The following MAGI1 variants were observed in gnomAD, a reference collection of about 807,000 sequenced individuals.
MAGI1 encodes the protein membrane associated guanylate kinase, WW and PDZ domain containing 1, also known as membrane-associated guanylate kinase, WW and PDZ domain-containing protein 1.
A neutral mutation model predicts 139.9 loss-of-function variants in MAGI1; 58 were observed. The observed-to-expected ratio is 0.41, with a 90% CI of 0.34 to 0.52. The LOEUF is 0.52. Among genes scored for constraint, MAGI1 ranks in the 20% least tolerant of loss-of-function variants. The pLI is 0.12. For missense variants in MAGI1, 1,874 were observed against 1,901.6 expected, an observed-to-expected ratio of 0.99 and a Z score of 0.27; for synonymous variants, 812 against 737.9, an observed-to-expected ratio of 1.10 and a Z score of -1.63.
At chr3:65,434,314 T>G (rs1947679035) in intron 10 of MAGI1, among the ~76,000 whole-genome samples, 2 of 152,150 alleles carry the variant, frequency 1.3e-5, no homozygotes, top group African/African-American at 4.8e-5. Flanking sequence ...GGAAGGTACC[T>G]GGCACATAAT....
At chr3:66,011,483 G>C (rs527995510) in intron 1 of MAGI1, among the ~76,000 whole-genome samples, 1 of 152,188 alleles carries the variant, frequency 6.6e-6, no homozygotes, top group South Asian at 2.1e-4. Flanking sequence ...ACACTATGCT[G>C]TACTATGCCA....
At chr3:66,029,049 G>A (rs1033927498) in intron 1 of MAGI1, among the ~76,000 whole-genome samples, 9 of 152,106 alleles carry the variant, frequency 5.9e-5, no homozygotes, top group African/African-American at 1.9e-4. Context: ...TAGAGAGTAG[G>A]TATCATTATT....
intron 1 of MAGI1, among the ~76,000 whole-genome samples, chr3:65,692,122 T>A (rs79068586): frequency 0.057 from 8,583 of 151,776 alleles, 788 homozygotes; most frequent in African/African-American, 0.2. Flanking sequence ...AAAAAAAAAA[T>A]GTGATCTGGA....
intron 2 of MAGI1, among the ~76,000 whole-genome samples, chr3:65,559,032 T>C (rs2108006527): frequency 6.6e-6 from 1 of 152,244 alleles, no homozygotes; most frequent in South Asian, 2.1e-4. Flanking sequence ...ACGTCACAGC[T>C]CAAGTCCTTT....
intron 1 of MAGI1, among the ~76,000 whole-genome samples, chr3:65,897,307 G>T (rs72893559): frequency 0.038 from 5,722 of 152,138 alleles, 334 homozygotes; most frequent in African/African-American, 0.12. Context: ...GCCAAGGCAG[G>T]AGGATAGCTT....
intron 1 of MAGI1, among the ~76,000 whole-genome samples, chr3:65,696,544 A>G (rs2089210150): frequency 6.6e-6 from 1 of 152,334 alleles, no homozygotes; most frequent in Non-Finnish European, 1.5e-5. Flanking sequence ...AATTAAAATA[A>G]TTAAAATGAT....
At chr3:65,751,197 C>T (rs548491818) in intron 1 of MAGI1, among the ~76,000 whole-genome samples, 10 of 152,330 alleles carry the variant, frequency 6.6e-5, no homozygotes, top group East Asian at 1.9e-4. Flanking sequence ...AGAAAGGTAT[C>T]GATCCCATTT....
At chr3:65,813,381 T>C (rs1453009779) in intron 1 of MAGI1, among the ~76,000 whole-genome samples, 1 of 151,950 alleles carries the variant, frequency 6.6e-6, no homozygotes, top group Non-Finnish European at 1.5e-5. Context: ...GGAAGGCAAT[T>C]TGGGGGAAAA....
intron 1 of MAGI1, among the ~76,000 whole-genome samples, chr3:66,032,455 T>G (rs1473473288): frequency 6.7e-6 from 1 of 148,182 alleles, no homozygotes; most frequent in Non-Finnish European, 1.5e-5. Flanking sequence ...CTCCTGACCT[T>G]GTGATCCACC....
intron 2 of MAGI1, among the ~76,000 whole-genome samples, chr3:65,618,318 T>C (rs1276093574): frequency 6.6e-6 from 1 of 152,078 alleles, no homozygotes; most frequent in Admixed American, 6.6e-5. Context: ...GCAAAGGTTT[T>C]CCATAGGTAC....
chr3:65,400,033 G>A (rs917921874), intron 13 of MAGI1, among the ~76,000 whole-genome samples: 15 of 152,102 alleles, frequency 9.9e-5, no homozygotes, highest in East Asian at 3.9e-4. Context: ...AGGAGGGTTC[G>A]TGCTAACTCA....
At chr3:65,925,710 C>T (rs2062467233) in intron 1 of MAGI1, among the ~76,000 whole-genome samples, 1 of 152,238 alleles carries the variant, frequency 6.6e-6, no homozygotes. Context: ...GACAGGATCT[C>T]CCTCTGTTGC....
intron 18 of MAGI1, among the ~76,000 whole-genome samples, chr3:65,374,899 T>G (rs1224167707): frequency 6.6e-6 from 1 of 152,144 alleles, no homozygotes; most frequent in Admixed American, 6.5e-5. Context: ...AATATAGAGA[T>G]TTCATTCTTT....
intron 12 of MAGI1, among the ~76,000 whole-genome samples, chr3:65,416,160 T>C (rs988220970): frequency 4.6e-5 from 7 of 152,206 alleles, no homozygotes; most frequent in African/African-American, 1.7e-4. Flanking sequence ...GAAAGCTTTT[T>C]AAAACATAGC....
At position 65,774,000 on chromosome 3, in the gene MAGI1, GTT is replaced by G. The variant is rs2107959974; in HGVS notation, c.314-151914_314-151913del. On this transcript the variant is annotated intron_variant, in intron 1 of 22. Coordinates refer to ENST00000402939, the MANE Select transcript of MAGI1 (RefSeq NM_001033057.2). ...GAAAAAAATTCCAAAGGATAAACAG[GTT>G]TATTACAGAAATTACACACTACAGA... is the stretch of plus-strand genomic sequence containing the variant. Among the ~76,000 whole-genome samples, 2 of 151,756 alleles carry G rather than the reference GTT, an allele frequency of 1.3e-5. 1 individual carries two copies. The highest frequency in any genetic ancestry group is 4.2e-4 in the South Asian group (2 of 4,814).
In MAGI1 at chr3:65,429,921, T is replaced by C. The variant is rs988642983; in HGVS notation, c.1766A>G (p.Tyr589Cys). 4.3e-6 allele frequency: 7 copies of C among 1,613,920 alleles called. No homozygotes were observed. Among genetic ancestry groups the C allele is most frequent in the Middle Eastern group, 1.6e-4 (1 of 6,084 alleles). The change falls in exon 12 of 23, where the codon TAT becomes TGT. Residue 589 changes from tyrosine (Y) to cysteine (C), a missense_variant. Physicochemically the swap from Tyr to Cys is radical, Grantham distance 194 (BLOSUM62 -2). Around this residue, in one of 5 missense-constraint regions of MAGI1, gnomAD observed 482 missense variants for 509.6 expected, o/e 0.95. Coordinates refer to ENST00000402939, the MANE Select transcript of MAGI1 (RefSeq NM_001033057.2). ...EPIIVNGQETYDSPASHSSKT... is the reference protein window; with the variant it reads ...EPIIVNGQETCDSPASHSSKT... ...ACTACTGTGGCTAGCTGGTGAATCA[T>C]AGGTCTCTTGCCCATTCACAATAAT...
chr3:65,637,559 AGAAAG>A (rs2084704838), intron 1 of MAGI1, among the ~76,000 whole-genome samples: 2 of 31,016 alleles, frequency 6.4e-5, no homozygotes, highest in Admixed American at 3.6e-4. Context: ...CTCCAAAAAA[AGAAAG>A]AAAGAAAGAA....
intron 4 of MAGI1, among the ~76,000 whole-genome samples, chr3:65,471,099 A>G (rs1407665273): frequency 6.6e-6 from 1 of 152,164 alleles, no homozygotes; most frequent in African/African-American, 2.4e-5. Context: ...CTTTTGAAAA[A>G]GTTATGTTCC....
At chr3:65,597,925 TGG>T (rs57059846) in intron 2 of MAGI1, 182,173 of 396,876 alleles carry the variant, frequency 0.46, 37,835 homozygotes, top group East Asian at 0.82. Flanking sequence ...GAGGCGGGGG[TGG>T]GGGGGGGGTG....
Sources: gnomAD v4.1 joint callset for allele counts (sites outside exome capture counted in the v4.1 genomes callset) on GRCh38, gnomAD v4.1.1 for gene constraint, gnomAD v4.1.1 regional missense constraint, MANE v1.5 for transcripts, NCBI Gene and HGNC (gene_info 2026-07-23, HGNC 2026-07-21) for gene names.